TFAP2D: variants seen among roughly 807,000 people sequenced by gnomAD.
TFAP2D encodes the protein transcription factor AP-2-delta.
Under a neutral mutation model 43.6 loss-of-function variants are expected in TFAP2D, and 9 were observed. The ratio of observed to expected loss-of-function variants is 0.21; its 90% CI spans 0.12 to 0.36. The LOEUF (loss-of-function observed/expected upper bound fraction) is 0.36, where lower values mean the gene tolerates loss of function less well. Among genes scored for constraint, TFAP2D ranks in the 10% least tolerant of loss-of-function variants. The probability of loss-of-function intolerance (pLI) is 1.00; values close to 1 mark genes in which losing one functional copy is unlikely to be tolerated. For synonymous variants in TFAP2D, 256 were observed against 224.9 expected (o/e 1.14, Z -1.24); for missense variants, 513 against 561.4 (o/e 0.91, Z 0.87).
intron 7 of TFAP2D, among the ~76,000 whole-genome samples, chr6:50,754,380 A>G (rs1331710684): frequency 6.6e-6 from 1 of 151,650 alleles, no homozygotes; most frequent in Non-Finnish European, 1.5e-5. Context: ...ATGTGCCTAT[A>G]TATGCCACAT....
At chr6:50,753,597 C>T (rs1340540052) in intron 7 of TFAP2D, among the ~76,000 whole-genome samples, 2 of 142,662 alleles carry the variant, frequency 1.4e-5, no homozygotes, top group African/African-American at 2.6e-5. Context: ...GCCACCCTCA[C>T]CCCTAGTGAA....
rs1317203179 is a variant in TFAP2D, at chr6:50,771,047, C to T, written c.1140-1598C>T. On this transcript the variant is annotated intron_variant, in intron 7 of 7. Coordinates refer to ENST00000008391, the MANE Select transcript of TFAP2D (RefSeq NM_172238.4). ...TCTGTTCACAAGAAGACTAAATCTA[C>T]AGTTATGTGTTTGTTCAACCAAAGA... 2.0e-5 allele frequency among the ~76,000 whole-genome samples: 3 copies of T among 152,178 alleles called. 1 individual carries two copies. The highest frequency in any genetic ancestry group is 4.4e-5 in the Non-Finnish European group (3 of 68,040).
At chr6:50,730,157 T>C (rs996033141) in intron 5 of TFAP2D, among the ~76,000 whole-genome samples, 20 of 152,184 alleles carry the variant, frequency 1.3e-4, no homozygotes, top group Non-Finnish European at 2.9e-4. Context: ...TATTTGTCTA[T>C]ATGGCACTGT....
chr6:50,732,888 TC>T (rs1384348122), intron 5 of TFAP2D, among the ~76,000 whole-genome samples: 1 of 152,072 alleles, frequency 6.6e-6, no homozygotes, highest in Non-Finnish European at 1.5e-5. Flanking sequence ...TTTCCTATAT[TC>T]CTTTTAAATG....
chr6:50,724,636 C>T (rs1768779688), intron 3 of TFAP2D, among the ~76,000 whole-genome samples: 1 of 152,050 alleles, frequency 6.6e-6, no homozygotes, highest in Non-Finnish European at 1.5e-5. Context: ...GCTCCAGGGA[C>T]CCGCGGCTCC....
At chr6:50,720,488 C>A (rs1176061903) in intron 3 of TFAP2D, among the ~76,000 whole-genome samples, 1 of 3,732 alleles carries the variant, frequency 2.7e-4, no homozygotes, top group Non-Finnish European at 9.7e-4. Flanking sequence ...GAGATTAAAA[C>A]ACACACACAC....
intron 7 of TFAP2D, among the ~76,000 whole-genome samples, chr6:50,759,569 T>A (rs1004771783): frequency 6.6e-6 from 1 of 152,012 alleles, no homozygotes; most frequent in Admixed American, 6.6e-5. Flanking sequence ...AGCTTAGCAT[T>A]TTCATTCCTC....
intron 5 of TFAP2D, among the ~76,000 whole-genome samples, chr6:50,741,841 G>C (rs149159841): frequency 2.6e-4 from 40 of 151,430 alleles, no homozygotes; most frequent in African/African-American, 9.7e-4. Context: ...AGCCATACTT[G>C]CTGTTTGGAA....
At chr6:50,766,121 C>A (rs900373454) in intron 7 of TFAP2D, among the ~76,000 whole-genome samples, 1 of 152,228 alleles carries the variant, frequency 6.6e-6, no homozygotes, top group East Asian at 1.9e-4. Context: ...ATTGAAGAGA[C>A]CATCCTTTTC....
chr6:50,766,693 G>C (rs1320100331), intron 7 of TFAP2D, among the ~76,000 whole-genome samples: 1 of 71,136 alleles, frequency 1.4e-5, no homozygotes, highest in Non-Finnish European at 3.0e-5. Context: ...ACGGAGTCTC[G>C]CTCTGTCGCC....
At chr6:50,737,623 G>A (rs1030102932) in intron 5 of TFAP2D, among the ~76,000 whole-genome samples, 3 of 152,148 alleles carry the variant, frequency 2.0e-5, no homozygotes, top group African/African-American at 7.2e-5. Context: ...AAGGATATAT[G>A]TGTGTATCTC....
intron 7 of TFAP2D, among the ~76,000 whole-genome samples, chr6:50,759,122 A>G (rs777687706): frequency 1.3e-5 from 2 of 152,054 alleles, no homozygotes; most frequent in African/African-American, 2.4e-5. Context: ...TAATAACTAC[A>G]TGTGTGAATA....
chr6:50,745,008 C>T, intron 5 of TFAP2D, 99 bp from the exon 6 acceptor site: 1 of 1,433,744 alleles, frequency 7.0e-7, no homozygotes, highest in South Asian at 1.4e-5. Flanking sequence ...AATGATTTGT[C>T]TGACCACAGC....
intron 7 of TFAP2D, among the ~76,000 whole-genome samples, chr6:50,762,922 T>TC (rs1461192087): frequency 6.6e-6 from 1 of 152,112 alleles, no homozygotes; most frequent in Non-Finnish European, 1.5e-5. Context: ...ATGCAGTCTC[T>TC]AAGTCCGCCT....
intron 7 of TFAP2D, among the ~76,000 whole-genome samples, chr6:50,755,153 C>G (rs566583034): frequency 6.6e-6 from 1 of 151,852 alleles, no homozygotes; most frequent in East Asian, 1.9e-4. Context: ...GGTGAGGGTC[C>G]AAGTTCATTC....
At position 50,714,362 on chromosome 6, in the gene TFAP2D, A is replaced by G. The variant is rs533132179; in HGVS notation, c.39+268A>G. The stretch of plus-strand genomic sequence containing the variant: ...CGGGAAAACATAATCTTAATAATAA[A>G]AGGGGGGAGTGAAGAGAAAGAGATA... On this transcript the variant is annotated intron_variant, in intron 1 of 7. Coordinates refer to ENST00000008391, the MANE Select transcript of TFAP2D (RefSeq NM_172238.4). 9.2e-5 allele frequency among the ~76,000 whole-genome samples: 14 copies of G among 152,020 alleles called. No homozygotes were observed. In the South Asian group the frequency reaches 2.5e-3, roughly 27 times the overall value.
chr6:50,771,696 A>G (rs1025808635), intron 7 of TFAP2D, among the ~76,000 whole-genome samples: 50 of 152,182 alleles, frequency 3.3e-4, no homozygotes, highest in African/African-American at 1.2e-3. Flanking sequence ...CCACAATGAG[A>G]TACCATCTCA....
chr6:50,748,777 T>C (rs1037082995), intron 6 of TFAP2D, among the ~76,000 whole-genome samples: 13 of 151,930 alleles, frequency 8.6e-5, no homozygotes, highest in African/African-American at 3.1e-4. Context: ...TGCATTAAGG[T>C]AAAGCAGAAT....
At position 50,729,280 on chromosome 6, in the gene TFAP2D, C is replaced by T. The variant is rs1768850446; in HGVS notation, c.851C>T (p.Ala284Val). 1 of 1,613,836 alleles carries T rather than the reference C, an allele frequency of 6.2e-7. No homozygotes were observed. The highest frequency in any genetic ancestry group is 8.5e-7 in the Non-Finnish European group (1 of 1,179,846). The change falls in exon 5 of 8, where the codon GCT (alanine) becomes GTT (valine). Residue 284 changes from alanine (A) to valine (V), a missense_variant. By Grantham distance (64) the Ala-to-Val change is moderately conservative. Around this residue, in one of 3 missense-constraint regions of TFAP2D, gnomAD observed 199 missense variants for 227.9 expected, o/e 0.87. Coordinates refer to ENST00000008391, the MANE Select transcript of TFAP2D (RefSeq NM_172238.4). ...LNLPAGRRKA[A>V]NVTLLTSLVE... is the part of the protein sequence containing the mutation. Reference sequence around the variant, plus strand: ...TTACCAGCAGGAAGACGGAAAGCAGCTAATGTCACCCTCCTTACTTCCTTG... The same window carrying T: ...TTACCAGCAGGAAGACGGAAAGCAGTTAATGTCACCCTCCTTACTTCCTTG...
Sources: allele counts gnomAD v4.1 joint callset (sites outside exome capture counted in the v4.1 genomes callset), GRCh38; gene constraint gnomAD v4.1.1; regional missense constraint gnomAD v4.1.1; transcripts MANE v1.5; gene names NCBI Gene and HGNC (gene_info 2026-07-23, HGNC 2026-07-21).